LRRC4C: variants seen among roughly 807,000 people sequenced by gnomAD.
LRRC4C encodes the protein leucine-rich repeat-containing protein 4C.
In LRRC4C, 5 loss-of-function variants were observed where a neutral mutation model predicts 33.6. That is an observed-to-expected ratio of 0.15 (90% CI 0.08 to 0.31). The LOEUF (loss-of-function observed/expected upper bound fraction) is 0.31, where lower values mean the gene tolerates loss of function less well. Ranked by LOEUF, LRRC4C falls within the 10% of genes least tolerant of loss-of-function variation. LRRC4C has a pLI of 1.00. For synonymous variants in LRRC4C, 329 were observed against 302.0 expected (o/e 1.09, Z -0.93); for missense variants, 560 against 796.7 (o/e 0.70, Z 3.58).
Position 40,768,445 on chromosome 11 carries a change from C to T in LRRC4C, c.-406-120167G>A, listed in dbSNP as rs1233903085. On this transcript the variant is annotated intron_variant, in intron 2 of 6. Coordinates refer to ENST00000528697, the MANE Select transcript of LRRC4C (RefSeq NM_001258419.2). ...ATTCTAAATGATAGAGGAGCAGGAACACCTACAAACTCATTCCAAACTTCT... is the reference window on the plus strand; with the variant it reads ...ATTCTAAATGATAGAGGAGCAGGAATACCTACAAACTCATTCCAAACTTCT... Among the ~76,000 whole-genome samples, 3 of 152,008 alleles carry T rather than the reference C, an allele frequency of 2.0e-5. No individual in the cohort carries two copies. The East Asian group carries it at 5.8e-4, about 29-fold the overall frequency.
chr11:40,382,123 A>ATTTTTTTTTTTTTTTTTTTTTTTT (rs77934711), intron 3 of LRRC4C, among the ~76,000 whole-genome samples: 1 of 99,986 alleles, frequency 1.0e-5, no homozygotes, highest in African/African-American at 3.8e-5. Context: ...TGCCCGGCTA[A>ATTTTTTTTTTTTTTTTTTTTTTTT]TTTTTTTTTT....
intron 3 of LRRC4C, among the ~76,000 whole-genome samples, chr11:40,604,024 C>A (rs536236216): frequency 6.6e-6 from 1 of 152,046 alleles, no homozygotes; most frequent in East Asian, 1.9e-4. Context: ...GTAAAATATA[C>A]CCACGTATAT....
At chr11:41,100,970 G>A (rs1565383435) in intron 1 of LRRC4C, among the ~76,000 whole-genome samples, 1 of 152,152 alleles carries the variant, frequency 6.6e-6, no homozygotes, top group Non-Finnish European at 1.5e-5. Context: ...AAATTGTGCT[G>A]AGATAGCTGT....
chr11:40,268,024 G>T (rs1303125810), intron 4 of LRRC4C, among the ~76,000 whole-genome samples: 1 of 152,130 alleles, frequency 6.6e-6, no homozygotes, highest in Non-Finnish European at 1.5e-5. Context: ...ATGGGTGGAA[G>T]GAAAAATCAA....
chr11:40,696,039 A>ATGTGTGTGTG (rs1210814141), intron 2 of LRRC4C, among the ~76,000 whole-genome samples: 7 of 128,470 alleles, frequency 5.4e-5, no homozygotes, highest in African/African-American at 3.1e-4. Flanking sequence ...GTGTATATAT[A>ATGTGTGTGTG]TATGTGTGTG....
chr11:40,925,722 C>T (rs1466913875), intron 2 of LRRC4C, among the ~76,000 whole-genome samples: 1 of 152,098 alleles, frequency 6.6e-6, no homozygotes, highest in Non-Finnish European at 1.5e-5. Flanking sequence ...GCTGAGTCCC[C>T]ATGGTAAAAA....
At chr11:40,713,892 C>T (rs900527376) in intron 2 of LRRC4C, among the ~76,000 whole-genome samples, 1 of 152,138 alleles carries the variant, frequency 6.6e-6, no homozygotes, top group African/African-American at 2.4e-5. Context: ...CTCTTCAATT[C>T]CCATCGCTAT....
At chr11:40,716,491 C>T (rs7117747) in intron 2 of LRRC4C, among the ~76,000 whole-genome samples, 4,271 of 152,144 alleles carry the variant, frequency 0.028, 83 homozygotes, top group Middle Eastern at 0.041. Context: ...AATTGCTTCA[C>T]TTTTGGGCCT....
At chr11:41,199,055 T>C (rs2136249068) in intron 1 of LRRC4C, among the ~76,000 whole-genome samples, 1 of 152,284 alleles carries the variant, frequency 6.6e-6, no homozygotes, top group East Asian at 1.9e-4. Flanking sequence ...TTTTATGCCC[T>C]TGCATGGCAT....
chr11:40,200,783 A>AG (rs1459891814), intron 5 of LRRC4C, among the ~76,000 whole-genome samples: 7 of 140,962 alleles, frequency 5.0e-5, no homozygotes, highest in Admixed American at 2.2e-4. Context: ...AAAAAAAAAA[A>AG]AAAAAGAAAA....
At chr11:40,887,033 T>C (rs1955500296) in intron 2 of LRRC4C, among the ~76,000 whole-genome samples, 1 of 150,988 alleles carries the variant, frequency 6.6e-6, no homozygotes, top group Admixed American at 6.6e-5. Flanking sequence ...AGAAAATATA[T>C]ATATACATAT....
chr11:41,125,463 T>C (rs1412192023), intron 1 of LRRC4C, among the ~76,000 whole-genome samples: 1 of 152,196 alleles, frequency 6.6e-6, no homozygotes, highest in African/African-American at 2.4e-5. Context: ...TTATGTATCA[T>C]TAACAAATAA....
chr11:40,994,000 G>C (rs1469527671), intron 1 of LRRC4C, among the ~76,000 whole-genome samples: 1 of 151,604 alleles, frequency 6.6e-6, no homozygotes, highest in Non-Finnish European at 1.5e-5. Context: ...GAACTGGATG[G>C]GGCATACTAC....
At chr11:40,388,435 G>A (rs976811392) in intron 3 of LRRC4C, among the ~76,000 whole-genome samples, 8 of 152,138 alleles carry the variant, frequency 5.3e-5, no homozygotes, top group African/African-American at 1.4e-4. Context: ...TTCAGGTTGC[G>A]CTTGGAGGGA....
At chr11:40,627,449 A>G (rs1421496891) in intron 3 of LRRC4C, among the ~76,000 whole-genome samples, 1 of 152,162 alleles carries the variant, frequency 6.6e-6, no homozygotes, top group African/African-American at 2.4e-5. Context: ...CTGACTTTGG[A>G]AGAAAGTGAG....
intron 5 of LRRC4C, among the ~76,000 whole-genome samples, chr11:40,147,384 C>T (rs1333816870): frequency 6.6e-6 from 1 of 152,108 alleles, no homozygotes; most frequent in Admixed American, 6.5e-5. Flanking sequence ...AAATCTAGTT[C>T]TTTTTATTAT....
In LRRC4C at chr11:40,934,812, C is replaced by T. The variant is rs116331158; in HGVS notation, c.-495-1089G>A. Among the ~76,000 whole-genome samples the T allele has an allele frequency of 1.3e-3, 194 of 152,146 alleles. 2 individuals carry two copies. The highest frequency in any genetic ancestry group is 4.5e-3 in the African/African-American group (187 of 41,534). On this transcript the variant is annotated intron_variant, in intron 1 of 6. Coordinates refer to ENST00000528697, the MANE Select transcript of LRRC4C (RefSeq NM_001258419.2). Reference sequence around the variant, plus strand: ...TTGACAGATTTATATTTTAGCCCAGCCAACTCTCTACTTGTTCTACACATT... The same window carrying T: ...TTGACAGATTTATATTTTAGCCCAGTCAACTCTCTACTTGTTCTACACATT...
intron 1 of LRRC4C, among the ~76,000 whole-genome samples, chr11:41,277,731 C>T (rs1452025014): frequency 1.3e-5 from 2 of 152,150 alleles, no homozygotes; most frequent in East Asian, 1.9e-4. Flanking sequence ...TTATGTTAGT[C>T]GTTTTCAGAG....
At chr11:40,561,569 C>T (rs990962449) in intron 3 of LRRC4C, among the ~76,000 whole-genome samples, 3 of 151,898 alleles carry the variant, frequency 2.0e-5, no homozygotes, top group Admixed American at 6.6e-5. Context: ...CCCGCCACCA[C>T]GCCCGGCTAA....
Sources: allele counts gnomAD v4.1 joint callset (sites outside exome capture counted in the v4.1 genomes callset), GRCh38; gene constraint gnomAD v4.1.1; transcripts MANE v1.5; gene names NCBI Gene and HGNC (gene_info 2026-07-23, HGNC 2026-07-21).